The following ATP8B2 variants were observed in gnomAD, a reference collection of about 807,000 sequenced individuals.
ATP8B2 encodes the protein phospholipid-transporting ATPase ID.
Under a neutral mutation model 133.4 loss-of-function variants are expected in ATP8B2, and 70 were observed. The observed-to-expected ratio is 0.52, with a 90% confidence interval of 0.43 to 0.64. The LOEUF (loss-of-function observed/expected upper bound fraction) is 0.64. Ranked by LOEUF, ATP8B2 falls within the 30% of genes least tolerant of loss-of-function variation. The pLI, the probability that ATP8B2 is intolerant of heterozygous loss-of-function variation, is 0.00. For synonymous variants in ATP8B2, 517 were observed against 589.5 expected, an observed-to-expected ratio of 0.88 and a Z score of 1.78; for missense variants, 1,101 against 1,535.7, an observed-to-expected ratio of 0.72 and a Z score of 4.73.
At position 154,346,331 on chromosome 1, in the gene ATP8B2, A is replaced by G. The variant is rs143850958; in HGVS notation, c.2879A>G (p.Gln960Arg). The change falls in exon 25 of 28, where the codon CAG becomes CGG. Residue 960 changes from glutamine to arginine, a missense_variant. Coordinates refer to ENST00000368489, the MANE Select transcript of ATP8B2 (RefSeq NM_001370597.1). This position sits in a 1 kb window ranked among gnomAD's most constrained non-coding sequence, Gnocchi z 4.5. ...NKREFFICIA[Q>R]GIYTSVLMFF... ...CGGGAGTTCTTCATCTGCATCGCCC[A>G]GGGCATCTACACCTCCGTGCTCATG... 91 of 1,613,652 alleles carry G rather than the reference A, an allele frequency of 5.6e-5. No homozygotes were observed. The highest frequency in any genetic ancestry group is 7.1e-5 in the Non-Finnish European group (84 of 1,179,904).
At chr1:154,330,601 G>T (rs993762689) in intron 3 of ATP8B2, 147 bp downstream of exon 3, 9 of 874,590 alleles carry the variant, frequency 1.0e-5, no homozygotes, top group Non-Finnish European at 1.6e-5. Flanking sequence ...ATCTGCTATC[G>T]TGCTGAATTT....
In ATP8B2 at chr1:154,333,365, G is replaced by A. The variant is rs1403537798; in HGVS notation, c.589+668G>A. 8.6e-5 allele frequency among the ~76,000 whole-genome samples: 13 copies of A among 151,500 alleles called. No individual in the cohort carries two copies. The East Asian group carries it at 2.2e-3, about 25-fold the overall frequency. On this transcript the variant is annotated intron_variant, in intron 9 of 27. Transcript: ENST00000368489. Reference sequence around the variant, plus strand: ...AAAAAAATACAAAAATTAGCCGGGCGTCGTGGTGTGCATCTGTAGTCCCAG... The same window carrying A: ...AAAAAAATACAAAAATTAGCCGGGCATCGTGGTGTGCATCTGTAGTCCCAG...
intron 8 of ATP8B2, among the ~76,000 whole-genome samples, 172 bp from the exon 9 acceptor site, chr1:154,332,446 C>A (rs1223768225): frequency 7.2e-5 from 11 of 152,054 alleles, no homozygotes; most frequent in Non-Finnish European, 1.5e-4. Flanking sequence ...TAATCCCAGC[C>A]ACTTGGGAGG....
rs546267454 is a variant in ATP8B2 at position 154,331,168 on chromosome 1, A to G, written c.303+22A>G. The G allele has an allele frequency of 6.9e-6, 11 of 1,603,520 alleles. No individual in the cohort carries two copies. Among genetic ancestry groups the G allele is most frequent in the African/African-American group, 4.0e-5 (3 of 74,636 alleles). The stretch of plus-strand genomic sequence containing the variant: ...CTATGTGAGTGGTTTTCATTCTTCT[A>G]TTTTGTCCCAGTCACCCACCCCTAC... On this transcript the variant is annotated intron_variant, in intron 5 of 27. Transcript: ENST00000368489. The surrounding 1 kb of genome is among the most constrained non-coding windows in gnomAD (Gnocchi z 4.8).
rs1352356066 is a variant in ATP8B2, at chr1:154,343,648, T to C, written c.1758+80T>C. 8.8e-6 allele frequency: 12 copies of C among 1,357,448 alleles called. 1 individual carries two copies. The highest frequency in any genetic ancestry group is 8.3e-5 in the South Asian group (7 of 84,280). The allele number at this position is 1,357,448 out of a possible 1,614,324, so 84.1% of individuals were successfully genotyped here. ...GAGGCGACTTAAGTTTGTTTTATTG[T>C]GTAAATTTAAGGTCTACAACGTGAT... On this transcript the variant is annotated intron_variant, in intron 17 of 27. Coordinates refer to ENST00000368489, the MANE Select transcript of ATP8B2 (RefSeq NM_001370597.1). This position sits in a 1 kb window ranked among gnomAD's most constrained non-coding sequence, Gnocchi z 5.8.
chr1:154,342,456 T>C (rs939933369), intron 13 of ATP8B2, 24 bp from the exon 14 acceptor site: 1 of 1,612,988 alleles, frequency 6.2e-7, no homozygotes, highest in African/African-American at 1.3e-5. Flanking sequence ...ACATTGCTTC[T>C]TTTTCTGCCC....
chr1:154,344,101 T>C lies in ATP8B2; in HGVS notation c.1924-42T>C. ...GCCAAGGATGGGCACGGAGGGCTCATGCCTGCAATTCTTGTGCCAGGAATC... is the reference window on the plus strand; with the variant it reads ...GCCAAGGATGGGCACGGAGGGCTCACGCCTGCAATTCTTGTGCCAGGAATC... On this transcript the variant is annotated intron_variant, in intron 18 of 27. Coordinates refer to ENST00000368489, the MANE Select transcript of ATP8B2 (RefSeq NM_001370597.1). The surrounding 1 kb of genome is among the most constrained non-coding windows in gnomAD (Gnocchi z 4.1). 1.2e-6 allele frequency: 2 copies of C among 1,614,230 alleles called. No homozygotes were observed. The highest frequency in any genetic ancestry group is 1.7e-6 in the Non-Finnish European group (2 of 1,180,040).
intron 2 of ATP8B2, chr1:154,329,014 G>T (rs1210634341): frequency 7.7e-7 from 1 of 1,304,128 alleles, no homozygotes; most frequent in Non-Finnish European, 1.0e-6. Context: ...AGATGCCCGA[G>T]AAGTGGGCCC....
rs983822438 is a variant in ATP8B2 at position 154,346,845 on chromosome 1, A to C, written c.3163+87A>C. 44 of 1,407,370 alleles carry C rather than the reference A, an allele frequency of 3.1e-5. No individual in the cohort carries two copies. The highest frequency in any genetic ancestry group is 2.5e-4 in the South Asian group (19 of 76,468). 87.2% of individuals were successfully genotyped at this position (1,407,370 alleles called of 1,614,324 possible). On this transcript the variant is annotated intron_variant, in intron 26 of 27. Transcript: ENST00000368489. This position sits in a 1 kb window ranked among gnomAD's most constrained non-coding sequence, Gnocchi z 4.5. ...CCATCAGCTAATCTGCACATTCAAC[A>C]TTTCTTATGTGCCAAGTATTCTGTT... is the stretch of plus-strand genomic sequence containing the variant.
At chr1:154,342,692 C>T (rs557670132) in intron 14 of ATP8B2, 104 bp from the exon 15 acceptor site, 21 of 1,485,442 alleles carry the variant, frequency 1.4e-5, no homozygotes, top group Middle Eastern at 1.8e-4. Flanking sequence ...TGAGGTCCAC[C>T]GTGGACAGGA....
chr1:154,341,266 C>T, intron 13 of ATP8B2: 1 of 644,894 alleles, frequency 1.6e-6, no homozygotes. Context: ...GGGAGGATTG[C>T]TCGAGCCCAG....
In ATP8B2 at chr1:154,348,859, T is replaced by C. The variant is rs1181770511; in HGVS notation, c.3314T>C (p.Val1105Ala). The C allele has an allele frequency of 1.2e-6, 2 of 1,606,944 alleles. No individual in the cohort carries two copies. ...CTGCAGGTCCGCTACACACAGCTCG[T>C]GAGGAAGAAGCAGAAGGCCCAGCAC... Reference protein sequence around the residue: ...LSDTVRYTQLVRKKQKAQHRC... With the variant: ...LSDTVRYTQLARKKQKAQHRC... Residue 1105 changes from valine to alanine, a missense_variant, in exon 28 of 28, where the codon GTG (valine) becomes GCG (alanine). Transcript: ENST00000368489.
Position 154,333,697 on chromosome 1 carries a change from C to T in ATP8B2, c.590-410C>T, listed in dbSNP as rs112519899. ...CTGCCCAGGTTGGAGTGTAGTGGTG[C>T]GATCTCGGCTCACTGCATCCTCTAC... On this transcript the variant is annotated intron_variant, in intron 9 of 27. Coordinates refer to ENST00000368489, the MANE Select transcript of ATP8B2 (RefSeq NM_001370597.1). Among the ~76,000 whole-genome samples the T allele has an allele frequency of 9.6e-3, 1,385 of 144,918 alleles. 22 individuals carry two copies. Among genetic ancestry groups the T allele is most frequent in the African/African-American group, 0.033 (1,273 of 38,740 alleles).
chr1:154,330,894 C>G lies in ATP8B2; in HGVS notation c.170C>G (p.Ala57Gly). 6.2e-7 allele frequency: 1 copy of G among 1,614,096 alleles called. No homozygotes were observed. Among genetic ancestry groups the G allele is most frequent in the Non-Finnish European group, 8.5e-7 (1 of 1,179,974 alleles). Residue 57 changes from alanine to glycine, a missense_variant, in exon 4 of 28, where the codon GCC becomes GGC. Ala to Gly is a moderately conservative substitution (Grantham distance 60). Transcript: ENST00000368489. ...CTCTTTGAGCAGTTCCAGGAAGTTGCCAACACTTACTTCCTGTTCCTCCTC... is the reference window on the plus strand; with the variant it reads ...CTCTTTGAGCAGTTCCAGGAAGTTGGCAACACTTACTTCCTGTTCCTCCTC... ...VNLFEQFQEV[A>G]NTYFLFLLIL...
chr1:154,344,891 C>T lies in ATP8B2; in HGVS notation c.2287-80C>T. 9 of 1,548,174 alleles carry T rather than the reference C, an allele frequency of 5.8e-6. No individual in the cohort carries two copies. Among genetic ancestry groups the T allele is most frequent in the Non-Finnish European group, 7.9e-6 (9 of 1,145,942 alleles). On this transcript the variant is annotated intron_variant, in intron 21 of 27. Transcript: ENST00000368489. This position sits in a 1 kb window ranked among gnomAD's most constrained non-coding sequence, Gnocchi z 4.1. Reference sequence around the variant, plus strand: ...TCCCCTGATTTCAGAGAAGACTGGTCTCAAAGGGGACTGGGAGGAGCTGAG... The same window carrying T: ...TCCCCTGATTTCAGAGAAGACTGGTTTCAAAGGGGACTGGGAGGAGCTGAG...
Position 154,330,663 on chromosome 1 carries a change from C to A in ATP8B2, c.91-152C>A. The A allele has an allele frequency of 4.0e-6, 3 of 757,500 alleles. No individual in the cohort carries two copies. In the South Asian group the frequency reaches 5.2e-5, roughly 13 times the overall value. The allele number at this position is 757,500 out of a possible 1,614,324, so 46.9% of individuals were successfully genotyped here. Reference sequence around the variant, plus strand: ...AGAATACATTGACCCCCTTGAGACTCCCTTCTCTCCTCCTCTTTCCCCCTC... The same window carrying A: ...AGAATACATTGACCCCCTTGAGACTACCTTCTCTCCTCCTCTTTCCCCCTC... On this transcript the variant is annotated intron_variant, in intron 3 of 27. Coordinates refer to ENST00000368489, the MANE Select transcript of ATP8B2 (RefSeq NM_001370597.1).
rs1289259340 is a variant in ATP8B2, at chr1:154,344,803, T to C, written c.2286+18T>C. The C allele has an allele frequency of 6.3e-7, 1 of 1,586,446 alleles. No individual in the cohort carries two copies. On this transcript the variant is annotated intron_variant, in intron 21 of 27. Coordinates refer to ENST00000368489, the MANE Select transcript of ATP8B2 (RefSeq NM_001370597.1). The surrounding 1 kb of genome is among the most constrained non-coding windows in gnomAD (Gnocchi z 4.1). ...ACAGCCTGGTAGGCATCGCTATCCT[T>C]AGCTTGGGCAGTATCTTTCCAGTGA...
At position 154,344,923 on chromosome 1, in the gene ATP8B2, A is replaced by G; in HGVS notation, c.2287-48A>G. 2 of 1,571,440 alleles carry G rather than the reference A, an allele frequency of 1.3e-6. No homozygotes were observed. The highest frequency in any genetic ancestry group is 1.7e-6 in the Non-Finnish European group (2 of 1,156,958). On this transcript the variant is annotated intron_variant, in intron 21 of 27. Coordinates refer to ENST00000368489, the MANE Select transcript of ATP8B2 (RefSeq NM_001370597.1). This position sits in a 1 kb window ranked among gnomAD's most constrained non-coding sequence, Gnocchi z 4.1. ...GGGACTGGGAGGAGCTGAGACTCCC[A>G]GGTGTCTCCTGGAAAGACTGGCTCT...
Position 154,328,640 on chromosome 1 carries a change from C to T in ATP8B2, c.31+468C>T, listed in dbSNP as rs1685873281. On this transcript the variant is annotated intron_variant, in intron 2 of 27. Transcript: ENST00000368489. This position sits in a 1 kb window ranked among gnomAD's most constrained non-coding sequence, Gnocchi z 4.6. ...GGTGGGAGGGGAGGCGGGGCTCGCG[C>T]GCGAGCTTTCGCCTACGCGGCGCGC... Among the ~76,000 whole-genome samples the T allele has an allele frequency of 6.6e-6, 1 of 152,034 alleles. No homozygotes were observed. The highest frequency in any genetic ancestry group is 6.5e-5 in the Admixed American group (1 of 15,278).
Sources: gnomAD v4.1 joint callset for allele counts (sites outside exome capture counted in the v4.1 genomes callset) on GRCh38, gnomAD v4.1.1 for gene constraint, Gnocchi (gnomAD v3.1) non-coding constraint, MANE v1.5 for transcripts, NCBI Gene and HGNC (gene_info 2026-07-23, HGNC 2026-07-21) for gene names.